Variants in PMPCB observed in about 807,000 individuals in gnomAD.
PMPCB encodes the protein mitochondrial-processing peptidase subunit beta.
In PMPCB, 46 loss-of-function variants were observed where a neutral mutation model predicts 61.5. The ratio of observed to expected loss-of-function variants is 0.75; its 90% CI spans 0.59 to 0.96. The LOEUF (loss-of-function observed/expected upper bound fraction) is 0.96. Among genes scored for constraint, PMPCB ranks in the 40% least tolerant of loss-of-function variants. PMPCB has a pLI of 0.00. For synonymous variants in PMPCB, 191 were observed against 201.6 expected (o/e 0.95, Z 0.44); for missense variants, 590 against 602.4 (o/e 0.98, Z 0.22).
At chr7:103,339,500 T>G in the PMPCB span, among the ~76,000 whole-genome samples, 2 of 152,202 alleles carry the variant, frequency 1.3e-5, no homozygotes, top group Non-Finnish European at 2.9e-5. Context: ...ACTTCATCAC[T>G]TCCTAATCAC....
At chr7:103,315,409 T>C (rs780995221), downstream of PMPCB, among the ~76,000 whole-genome samples, 32 of 152,160 alleles carry the variant, frequency 2.1e-4, 1 homozygote, top group Non-Finnish European at 3.4e-4. Flanking sequence ...TGTTTTTCCT[T>C]AAACATAAGG....
the PMPCB span, chr7:103,337,670 TA>T: frequency 3.6e-5 from 47 of 1,294,128 alleles, no homozygotes; most frequent in Non-Finnish European, 5.0e-5. Context: ...GTATATCTTT[TA>T]AAAAGCATAG....
chr7:103,343,241 T>C, the PMPCB span, among the ~76,000 whole-genome samples: 2 of 152,108 alleles, frequency 1.3e-5, no homozygotes, highest in African/African-American at 4.8e-5. Context: ...CCTCAGGTGA[T>C]CCACCTGCCT....
chr7:103,328,633 AAAG>A (rs34329185), intron 12 of PMPCB, among the ~76,000 whole-genome samples: 58 of 152,074 alleles, frequency 3.8e-4, no homozygotes, highest in Middle Eastern at 3.4e-3. Flanking sequence ...TCTGTGTCAA[AAAG>A]AAGAAGAAGA....
intron 12 of PMPCB, chr7:103,327,820 G>A: frequency 1.0e-6 from 1 of 953,908 alleles, no homozygotes; most frequent in Non-Finnish European, 1.6e-6. Context: ...TGAGCTACAT[G>A]TAGACCATTT....
chr7:103,333,037 G>A (rs151127639), downstream of PMPCB, among the ~76,000 whole-genome samples: 3,268 of 151,552 alleles, frequency 0.022, 60 homozygotes, highest in Non-Finnish European at 0.037. Flanking sequence ...TACTTACTGG[G>A]TGAGCATCCA....
At position 103,312,800 on chromosome 7, in the gene PMPCB, C is replaced by A; in HGVS notation, c.*529C>A. 3 of 1,510,778 alleles carry A rather than the reference C, an allele frequency of 2.0e-6. No individual in the cohort carries two copies. The South Asian group carries it at 4.2e-5, about 21-fold the overall frequency. The allele number at this position is 1,510,778 out of a possible 1,614,324, so 93.6% of individuals were successfully genotyped here. ...GGCCTAGAAAGTTTCTAAGGTTGCTCATTTCTTCCTCATAATATTGACCCC... is the reference window on the plus strand; with the variant it reads ...GGCCTAGAAAGTTTCTAAGGTTGCTAATTTCTTCCTCATAATATTGACCCC... On this transcript the variant is annotated 3_prime_UTR_variant, in exon 13 of 13. Transcript: ENST00000249269.
chr7:103,325,783 C>T (rs370554311), intron 12 of PMPCB, among the ~76,000 whole-genome samples: 8 of 152,120 alleles, frequency 5.3e-5, no homozygotes, highest in East Asian at 1.9e-4. Flanking sequence ...AAATAAAATA[C>T]GTATGCTTTA....
At chr7:103,315,722 T>A (rs868311792), downstream of PMPCB, 5 of 1,353,652 alleles carry the variant, frequency 3.7e-6, no homozygotes, top group Middle Eastern at 7.2e-4. Flanking sequence ...GCAGCACAGA[T>A]ACATGGCTAG....
At position 103,314,202 on chromosome 7, in the gene PMPCB, T is replaced by C. The variant is rs1164609262; in HGVS notation, c.*1931T>C. On this transcript the variant is annotated 3_prime_UTR_variant, in exon 13 of 13. Coordinates refer to ENST00000249269, the MANE Select transcript of PMPCB (RefSeq NM_004279.3). ...TTAAAGCCCTAAATACCATAGATTT[T>C]ATTTCCTCTCTTGGAAAAAAGATGG... 3.0e-6 allele frequency: 3 copies of C among 985,332 alleles called. No homozygotes were observed. Among genetic ancestry groups the C allele is most frequent in the Non-Finnish European group, 3.6e-6 (3 of 829,930 alleles). 61.0% of individuals were successfully genotyped at this position (985,332 alleles called of 1,614,324 possible). A position where few individuals can be genotyped will look rare whatever the true frequency, so the allele number is the denominator to read the frequency against.
rs973298858 is a variant in PMPCB, at chr7:103,298,558, C to G, written c.100-10C>G. 4.3e-6 allele frequency: 7 copies of G among 1,612,902 alleles called. No homozygotes were observed. The highest frequency in any genetic ancestry group is 5.1e-6 in the Non-Finnish European group (6 of 1,179,410). Reference sequence around the variant, plus strand: ...TTGCTTTGTCTCTTCCACTTCCTACCCCCAACCAGTCATTATATTTTGGAG... The same window carrying G: ...TTGCTTTGTCTCTTCCACTTCCTACGCCCAACCAGTCATTATATTTTGGAG... On this transcript the variant is annotated splice_polypyrimidine_tract_variant and intron_variant, in intron 1 of 12. Coordinates refer to ENST00000249269, the MANE Select transcript of PMPCB (RefSeq NM_004279.3).
chr7:103,342,632 G>A, the PMPCB span, among the ~76,000 whole-genome samples: 4 of 142,182 alleles, frequency 2.8e-5, no homozygotes, highest in African/African-American at 7.9e-5. Flanking sequence ...TTTTTGGGAC[G>A]GAGTCTTGCT....
chr7:103,341,540 G>A, the PMPCB span, among the ~76,000 whole-genome samples: 1 of 152,110 alleles, frequency 6.6e-6, no homozygotes, highest in East Asian at 1.9e-4. Context: ...TTTTAAGACC[G>A]GTGCAAACAT....
chr7:103,298,128 CT>C lies in PMPCB; in HGVS notation c.100-429del, dbSNP rs1292088228. Among the ~76,000 whole-genome samples the C allele has an allele frequency of 5.3e-3, 771 of 146,578 alleles. 4 individuals are homozygous for C. Among genetic ancestry groups the C allele is most frequent in the African/African-American group, 0.016 (660 of 40,252 alleles). Reference sequence around the variant, plus strand: ...CGACCCATCTTCCTATCCTCTCTCTCTTTTTTTTTTTAACCATTTCCAAACC... The same window carrying C: ...CGACCCATCTTCCTATCCTCTCTCTCTTTTTTTTTTAACCATTTCCAAACC... On this transcript the variant is annotated intron_variant, in intron 1 of 12. Transcript: ENST00000249269.
At chr7:103,336,324 G>A in the PMPCB span, 3 of 152,118 alleles carry the variant, frequency 2.0e-5, no homozygotes, top group Non-Finnish European at 2.9e-5. Flanking sequence ...TCTGTACTAA[G>A]ACATATTTGG....
At chr7:103,298,311 C>A (rs1317668995) in intron 1 of PMPCB, among the ~76,000 whole-genome samples, 4 of 151,374 alleles carry the variant, frequency 2.6e-5, no homozygotes, top group Non-Finnish European at 4.4e-5. Context: ...AAGTCAATTT[C>A]TCTCTGGGTA....
downstream of PMPCB, chr7:103,316,730 C>A (rs1216822999): frequency 4.0e-6 from 4 of 1,007,332 alleles, no homozygotes; most frequent in South Asian, 1.6e-5. Flanking sequence ...GAATTTATCT[C>A]TGCAAGTTTC....
the PMPCB span, chr7:103,344,107 G>C: frequency 5.9e-6 from 1 of 168,750 alleles, no homozygotes; most frequent in Non-Finnish European, 1.3e-5. Flanking sequence ...CGGTGTCTGA[G>C]TTGTGACATT....
At chr7:103,310,615 C>A in intron 9 of PMPCB, 140 bp downstream of exon 9, 2 of 510,864 alleles carry the variant, frequency 3.9e-6, no homozygotes, top group East Asian at 3.9e-5. Flanking sequence ...GCCATGTTTT[C>A]AAAGGTTGCA....
Sources: allele counts gnomAD v4.1 joint callset (sites outside exome capture counted in the v4.1 genomes callset), GRCh38; gene constraint gnomAD v4.1.1; transcripts MANE v1.5; gene names NCBI Gene and HGNC (gene_info 2026-07-23, HGNC 2026-07-21).